Variants in CCDC191 observed in about 807,000 individuals in gnomAD.
The protein encoded by CCDC191 is coiled-coil domain containing 191, also known as coiled-coil domain-containing protein 191.
A neutral mutation model predicts 114.0 loss-of-function variants in CCDC191; 99 were observed. The observed-to-expected ratio is 0.87, with a 90% CI of 0.74 to 1.03. The LOEUF is 1.03. Among genes scored for constraint, CCDC191 ranks in the 50% least tolerant of loss-of-function variants. CCDC191 has a pLI of 0.00. For synonymous variants in CCDC191, 351 were observed against 376.0 expected, an observed-to-expected ratio of 0.93 and a Z score of 0.77; for missense variants, 973 against 1,087.0, an observed-to-expected ratio of 0.90 and a Z score of 1.47.
chr3:114,053,818 C>A (rs1390751001), intron 1 of CCDC191, among the ~76,000 whole-genome samples, 183 bp from the exon 2 acceptor site: 1 of 152,166 alleles, frequency 6.6e-6, no homozygotes, highest in Non-Finnish European at 1.5e-5. Flanking sequence ...GAGGAGAAAA[C>A]ATGAAGCCTT....
intron 1 of CCDC191, among the ~76,000 whole-genome samples, chr3:114,055,323 C>T (rs1408320145): frequency 6.6e-6 from 1 of 152,112 alleles, no homozygotes; most frequent in Non-Finnish European, 1.5e-5. Flanking sequence ...TTTTACCTTT[C>T]ATCATCAAGT....
chr3:114,002,015 G>C (rs964506704), intron 12 of CCDC191, among the ~76,000 whole-genome samples: 3 of 152,056 alleles, frequency 2.0e-5, no homozygotes, highest in Non-Finnish European at 4.4e-5. Context: ...AAACAGTTTA[G>C]GGGGAAAAAG....
At chr3:114,055,264 C>CT (rs1351699183) in intron 1 of CCDC191, among the ~76,000 whole-genome samples, 1 of 152,144 alleles carries the variant, frequency 6.6e-6, no homozygotes, top group African/African-American at 2.4e-5. Context: ...ATAATGAGCA[C>CT]TAGCAGCAAA....
At chr3:114,046,843 C>G (rs1348492218) in intron 2 of CCDC191, 111 bp from the exon 3 acceptor site, 1 of 1,394,818 alleles carries the variant, frequency 7.2e-7, no homozygotes, top group African/African-American at 1.4e-5. Flanking sequence ...AAGATTCGTT[C>G]ATTTTTCCAT....
At position 114,039,915 on chromosome 3, in the gene CCDC191, C is replaced by T. The variant is rs898139208; in HGVS notation, c.415+2788G>A. Among the ~76,000 whole-genome samples, 87 of 152,182 alleles carry T rather than the reference C, an allele frequency of 5.7e-4. 1 individual carries two copies. The highest frequency in any genetic ancestry group is 2.0e-3 in the African/African-American group (84 of 41,540). ...AAAGAAAAATATGTTTTTATAAATT[C>T]AGTGTACCCTAAGTATACAGTGTTT... On this transcript the variant is annotated intron_variant, in intron 4 of 16. Coordinates refer to ENST00000295878, the MANE Select transcript of CCDC191 (RefSeq NM_020817.2).
At chr3:114,004,834 G>A in intron 10 of CCDC191, 88 bp from the exon 11 acceptor site, 1 of 1,354,116 alleles carries the variant, frequency 7.4e-7, no homozygotes, top group Non-Finnish European at 1.0e-6. Flanking sequence ...GCCTTTTACA[G>A]ACCTTAATGA....
chr3:114,008,880 T>C (rs1436538861), intron 9 of CCDC191, among the ~76,000 whole-genome samples: 1 of 151,992 alleles, frequency 6.6e-6, no homozygotes. Context: ...GAGAAATAGG[T>C]GATTTTGTTG....
At chr3:114,052,873 C>T (rs776760817) in intron 2 of CCDC191, among the ~76,000 whole-genome samples, 86 of 152,198 alleles carry the variant, frequency 5.7e-4, no homozygotes, top group Non-Finnish European at 9.9e-4. Flanking sequence ...GGTCTTTTCC[C>T]GGGAAAATGC....
At chr3:114,027,337 C>T (rs528064903) in intron 7 of CCDC191, among the ~76,000 whole-genome samples, 24 of 152,208 alleles carry the variant, frequency 1.6e-4, no homozygotes, top group East Asian at 9.7e-4. Context: ...AGAATTAGGC[C>T]GGGCGTGGTG....
At chr3:114,053,433 TG>T (rs2076723545) in intron 2 of CCDC191, among the ~76,000 whole-genome samples, 163 bp downstream of exon 2, 1 of 151,998 alleles carries the variant, frequency 6.6e-6, no homozygotes, top group Admixed American at 6.5e-5. Context: ...AACAGAATTA[TG>T]AAAAAAAATA....
In CCDC191 at chr3:113,964,220, A is replaced by G. The variant is rs1459243976; in HGVS notation, c.*935T>C. On this transcript the variant is annotated 3_prime_UTR_variant, in exon 17 of 17. Coordinates refer to ENST00000295878, the MANE Select transcript of CCDC191 (RefSeq NM_020817.2). ...AAGAGTAATCATCTCAGGACTGCAC[A>G]GGACTTTCTCATTTTACCATATGCA... 1 of 152,238 alleles carries G rather than the reference A, an allele frequency of 6.6e-6. No homozygotes were observed. The highest frequency in any genetic ancestry group is 1.9e-4 in the East Asian group (1 of 5,206). The allele number at this position is 152,238 out of a possible 1,614,324, so 9.4% of individuals were successfully genotyped here.
chr3:114,012,930 A>T (rs2107685161), intron 8 of CCDC191, among the ~76,000 whole-genome samples: 1 of 152,306 alleles, frequency 6.6e-6, no homozygotes, highest in East Asian at 1.9e-4. Context: ...CTTAAAGCCC[A>T]CTCTATAATG....
intron 12 of CCDC191, 34 bp from the exon 13 acceptor site, chr3:114,001,730 C>T: frequency 6.2e-7 from 1 of 1,611,314 alleles, no homozygotes; most frequent in Admixed American, 1.7e-5. Flanking sequence ...ATATCAGAAC[C>T]CTCAATTTGA....
At chr3:113,968,232 CTAAT>C (rs1940414657) in intron 16 of CCDC191, among the ~76,000 whole-genome samples, 1 of 152,144 alleles carries the variant, frequency 6.6e-6, no homozygotes, top group Non-Finnish European at 1.5e-5. Flanking sequence ...AATGGCTGTA[CTAAT>C]TTACACTCCC....
At chr3:113,974,316 T>G (rs939574772) in intron 16 of CCDC191, among the ~76,000 whole-genome samples, 3 of 146,416 alleles carry the variant, frequency 2.0e-5, no homozygotes, top group Non-Finnish European at 4.5e-5. Flanking sequence ...CCCCATTTGC[T>G]GTTTTTTGTT....
In CCDC191 at chr3:113,993,323, A is replaced by T. The variant is rs2075629770; in HGVS notation, c.2163+8272T>A. Reference sequence around the variant, plus strand: ...ATAGCCAAAACATTCTGAAGAAGAAAAATAGAGTAGCAGAATTCACAATGC... The same window carrying T: ...ATAGCCAAAACATTCTGAAGAAGAATAATAGAGTAGCAGAATTCACAATGC... On this transcript the variant is annotated intron_variant, in intron 13 of 16. Coordinates refer to ENST00000295878, the MANE Select transcript of CCDC191 (RefSeq NM_020817.2). 2.0e-5 allele frequency among the ~76,000 whole-genome samples: 3 copies of T among 152,206 alleles called. No homozygotes were observed. The South Asian group carries it at 6.2e-4, about 31-fold the overall frequency.
At chr3:113,977,936 T>C (rs903211498) in intron 16 of CCDC191, among the ~76,000 whole-genome samples, 1 of 152,204 alleles carries the variant, frequency 6.6e-6, no homozygotes, top group Non-Finnish European at 1.5e-5. Context: ...ATCATTTTAT[T>C]CTCTTGGCAG....
intron 4 of CCDC191, among the ~76,000 whole-genome samples, chr3:114,038,250 A>C (rs1192902308): frequency 1.3e-5 from 2 of 152,166 alleles, no homozygotes; most frequent in Non-Finnish European, 2.9e-5. Context: ...GTTGTTCCAA[A>C]GATAGTGGGG....
chr3:114,037,621 A>T (rs2076503808), intron 4 of CCDC191, among the ~76,000 whole-genome samples: 1 of 152,180 alleles, frequency 6.6e-6, no homozygotes, highest in African/African-American at 2.4e-5. Flanking sequence ...ACATCTGTGT[A>T]CAGTCATCCC....
Sources: gnomAD v4.1 joint callset for allele counts (sites outside exome capture counted in the v4.1 genomes callset) on GRCh38, gnomAD v4.1.1 for gene constraint, MANE v1.5 for transcripts, NCBI Gene and HGNC (gene_info 2026-07-23, HGNC 2026-07-21) for gene names.